RETREG2: variants seen among roughly 807,000 people sequenced by gnomAD.
The protein encoded by RETREG2 is reticulophagy regulator family member 2.
Under a neutral mutation model 51.6 loss-of-function variants are expected in RETREG2, and 21 were observed. The observed-to-expected ratio is 0.41, with a 90% CI of 0.29 to 0.59. RETREG2 has a LOEUF of 0.59. Ranked by LOEUF, RETREG2 falls within the 20% of genes least tolerant of loss-of-function variation. The pLI is 0.34. For missense variants in RETREG2, 674 were observed against 646.0 expected (o/e 1.04, Z -0.47); for synonymous variants, 339 against 288.6 (o/e 1.17, Z -1.77).
chr2:219,179,879 C>A, intron 3 of RETREG2, 116 bp downstream of exon 3: 1 of 1,303,704 alleles, frequency 7.7e-7, no homozygotes, highest in South Asian at 1.2e-5. Context: ...GGTAACAAGC[C>A]ATGGGTTTTT....
At chr2:219,181,979 C>T (rs767479252) in intron 8 of RETREG2, 34 bp from the exon 9 acceptor site, 2 of 1,604,164 alleles carry the variant, frequency 1.2e-6, no homozygotes, top group African/African-American at 2.7e-5. Flanking sequence ...AGACCAGCAG[C>T]AGGCCCATTC....
Position 219,180,204 on chromosome 2 carries a change from C to T in RETREG2, c.514C>T (p.Leu172=), listed in dbSNP as rs1272067790. 21 of 1,614,222 alleles carry T rather than the reference C, an allele frequency of 1.3e-5. No individual in the cohort carries two copies. Among genetic ancestry groups the T allele is most frequent in the Non-Finnish European group, 1.5e-5 (18 of 1,180,040 alleles). The stretch of plus-strand genomic sequence containing the variant: ...GAGCTGGCTCACCTTCCAGATTCAC[C>T]TGCAGGAGCTGCTGCAGTACAAGAG... ...AESWLTFQIH[L]QELLQYKRQN... is the part of the protein sequence containing the mutation. The change falls in exon 4 of 9, where the codon CTG becomes TTG. Residue 172 remains leucine, a synonymous_variant. Transcript: ENST00000430297.
chr2:219,180,275 A>G (rs750271957), intron 4 of RETREG2, 30 bp downstream of exon 4: 2 of 1,613,638 alleles, frequency 1.2e-6, no homozygotes, highest in Admixed American at 1.7e-5. Flanking sequence ...ACAACAGTTC[A>G]CTACACTGAA....
intron 1 of RETREG2, 49 bp from the exon 2 acceptor site, chr2:219,178,873 A>C (rs1294956168): frequency 5.1e-6 from 7 of 1,380,574 alleles, no homozygotes; most frequent in Non-Finnish European, 7.1e-6. Flanking sequence ...AGATGGATGC[A>C]TGAGCCTGTC....
chr2:219,181,251 T>G, intron 6 of RETREG2, 46 bp downstream of exon 6: 1 of 1,612,406 alleles, frequency 6.2e-7, no homozygotes, highest in Non-Finnish European at 8.5e-7. Context: ...CGGGAGGGCC[T>G]TGGCTTGGGG....
In RETREG2 at chr2:219,180,707, C is replaced by T. The variant is rs370558256; in HGVS notation, c.593C>T (p.Ala198Val). ...GTCTGCTCTGGCTGTGCTGTGTTGGCTGTGTTGGGACACTATGTTCCAGGG... is the reference window on the plus strand; with the variant it reads ...GTCTGCTCTGGCTGTGCTGTGTTGGTTGTGTTGGGACACTATGTTCCAGGG... ...VRVCSGCAVL[A>V]VLGHYVPGIM... is the part of the protein sequence containing the mutation. Residue 198 changes from alanine to valine, a missense_variant, in exon 5 of 9, where the codon GCT becomes GTT. Coordinates refer to ENST00000430297, the MANE Select transcript of RETREG2 (RefSeq NM_024293.6). The T allele has an allele frequency of 7.4e-6, 12 of 1,613,748 alleles. No individual in the cohort carries two copies. The African/African-American group carries it at 8.0e-5, about 11-fold the overall frequency.
rs1950327584 is a variant in RETREG2, at chr2:219,184,814, G to GTGTTTTTTTTTTTTTTTTTTTTTTTTTT, written c.*2186_*2187insGTTTTTTTTTTTTTTTTTTTTTTTTTTT. 2 of 77,838 alleles carry GTGTTTTTTTTTTTTTTTTTTTTTTTTTT rather than the reference G, an allele frequency of 2.6e-5. 1 individual carries two copies. The allele number at this position is 77,838 out of a possible 1,614,324, so 4.8% of individuals were successfully genotyped here. ...TTTGTTGTTGTTGTTTTGGTTTTTT[G>GTGTTTTTTTTTTTTTTTTTTTTTTTTTT]TTTTTTGTGGGTTTTTTTTTTTTTT... On this transcript the variant is annotated 3_prime_UTR_variant, in exon 9 of 9. Transcript: ENST00000430297.
chr2:219,179,821 C>A, intron 3 of RETREG2, 58 bp downstream of exon 3: 1 of 1,538,832 alleles, frequency 6.5e-7, no homozygotes, highest in Non-Finnish European at 9.0e-7. Flanking sequence ...CTTGCTGGTG[C>A]CAGTGTCACC....
At chr2:219,181,899 C>G in intron 8 of RETREG2, 114 bp from the exon 9 acceptor site, 1 of 1,557,908 alleles carries the variant, frequency 6.4e-7, no homozygotes, top group Non-Finnish European at 8.7e-7. Context: ...GACCTTAACA[C>G]CTAAGGCTTG....
At chr2:219,181,000 T>C in intron 5 of RETREG2, 62 bp from the exon 6 acceptor site, 1 of 1,601,340 alleles carries the variant, frequency 6.2e-7, no homozygotes, top group East Asian at 2.2e-5. Context: ...TAGGGACCAG[T>C]TGAATGGGGG....
chr2:219,182,682 T>C lies in RETREG2; in HGVS notation c.*53T>C, dbSNP rs1574787052. On this transcript the variant is annotated 3_prime_UTR_variant, in exon 9 of 9. Coordinates refer to ENST00000430297, the MANE Select transcript of RETREG2 (RefSeq NM_024293.6). The stretch of plus-strand genomic sequence containing the variant: ...CACAGTAGGGCTTCCTGGCTAGGAG[T>C]GTTGCTGTTTCCTCCTTTGCCTACC... 5 of 1,585,512 alleles carry C rather than the reference T, an allele frequency of 3.2e-6. No individual in the cohort carries two copies. In the South Asian group the frequency reaches 3.4e-5, roughly 11 times the overall value.
rs751303912 is a variant in RETREG2, at chr2:219,182,037, G to T, written c.1040G>T (p.Ser347Ile). 2.8e-5 allele frequency: 45 copies of T among 1,613,844 alleles called. No individual in the cohort carries two copies. Among genetic ancestry groups the T allele is most frequent in the Non-Finnish European group, 3.8e-5 (45 of 1,179,902 alleles). ...GATTTGGACCAGCAGAGCCTGCCAA[G>T]TGAACCAGAGGAGACCCTAAGCCGG... ...SEDLDQQSLP[S>I]EPEETLSRDL... The change falls in exon 9 of 9, where the codon AGT (serine) becomes ATT (isoleucine). Residue 347 changes from serine to isoleucine, a missense_variant. Coordinates refer to ENST00000430297, the MANE Select transcript of RETREG2 (RefSeq NM_024293.6).
Position 219,180,155 on chromosome 2 carries a change from C to A in RETREG2, c.465C>A (p.Pro155=). Residue 155 remains proline, a synonymous_variant, in exon 4 of 9, where the codon CCC becomes CCA. Coordinates refer to ENST00000430297, the MANE Select transcript of RETREG2 (RefSeq NM_024293.6). ...CCCGGCCGCACCTGCTGAGTGTGCC[C>A]GAGTTGTGCAGATACCTGGCTGAGA... ...SGARPHLLSV[P]ELCRYLAESW... 6.2e-7 allele frequency: 1 copy of A among 1,614,120 alleles called. No individual in the cohort carries two copies. Among genetic ancestry groups the A allele is most frequent in the Non-Finnish European group, 8.5e-7 (1 of 1,180,020 alleles).
intron 2 of RETREG2, 95 bp from the exon 3 acceptor site, chr2:219,179,638 C>G: frequency 3.3e-6 from 4 of 1,215,008 alleles, no homozygotes; most frequent in Admixed American, 3.4e-5. Flanking sequence ...AGAAGGTGCT[C>G]TGGGGCTGCA....
intron 3 of RETREG2, 149 bp downstream of exon 3, chr2:219,179,912 G>T (rs1950252735): frequency 5.2e-6 from 6 of 1,146,912 alleles, no homozygotes; most frequent in Non-Finnish European, 7.8e-6. Context: ...CTCCTGTGTA[G>T]GTGTTTGCGT....
intron 4 of RETREG2, 121 bp downstream of exon 4, chr2:219,180,366 C>T: frequency 7.5e-7 from 1 of 1,337,966 alleles, no homozygotes; most frequent in African/African-American, 1.5e-5. Flanking sequence ...GGCCTGGGCG[C>T]CTTCTTGAGG....
intron 2 of RETREG2, among the ~76,000 whole-genome samples, chr2:219,179,529 A>G (rs1414774095): frequency 6.6e-6 from 1 of 152,230 alleles, no homozygotes; most frequent in African/African-American, 2.4e-5. Context: ...CTTGGGAGAT[A>G]AGCATGAGTA....
chr2:219,178,577 G>A lies in RETREG2; in HGVS notation c.225G>A (p.Val75=). The A allele has an allele frequency of 1.4e-6, 2 of 1,464,790 alleles. No homozygotes were observed. Among genetic ancestry groups the A allele is most frequent in the Non-Finnish European group, 1.8e-6 (2 of 1,116,102 alleles). 90.7% of individuals were successfully genotyped at this position (1,464,790 alleles called of 1,614,324 possible). ...AVLAAAQRLL[V]WEKPLHSLVT... is the part of the protein sequence containing the mutation. ...TGGCGGCGGCGCAGCGGTTGCTGGT[G>A]TGGGAGAAGCCGCTGCACAGCCTGG... Residue 75 remains valine (V), a synonymous_variant, in exon 1 of 9, where the codon GTG becomes GTA. Transcript: ENST00000430297.
intron 4 of RETREG2, 123 bp downstream of exon 4, chr2:219,180,368 T>C: frequency 7.7e-7 from 1 of 1,306,724 alleles, no homozygotes; most frequent in Non-Finnish European, 1.1e-6. Context: ...CCTGGGCGCC[T>C]TCTTGAGGCA....
Sources: gnomAD v4.1 joint callset for allele counts (sites outside exome capture counted in the v4.1 genomes callset) on GRCh38, gnomAD v4.1.1 for gene constraint, MANE v1.5 for transcripts, NCBI Gene and HGNC (gene_info 2026-07-23, HGNC 2026-07-21) for gene names.